Variants in DIP2B observed in about 807,000 individuals in gnomAD.
The protein encoded by DIP2B is disco-interacting protein 2 homolog B.
A neutral mutation model predicts 198.0 loss-of-function variants in DIP2B; 76 were observed. That is an observed-to-expected ratio of 0.38 (90% CI 0.32 to 0.46). DIP2B has a LOEUF of 0.46. Among genes scored for constraint, DIP2B ranks in the 20% least tolerant of loss-of-function variants. The probability of loss-of-function intolerance (pLI) is 0.99; values close to 1 mark genes in which losing one functional copy is unlikely to be tolerated. For missense variants in DIP2B, 1,559 were observed against 1,978.4 expected (o/e 0.79, Z 4.02); for synonymous variants, 701 against 739.1 (o/e 0.95, Z 0.84).
rs1473125671 is a variant in DIP2B at position 50,542,261 on chromosome 12, A to AAT, written c.100+37022_100+37023insTA. Among the ~76,000 whole-genome samples the AAT allele has an allele frequency of 6.2e-3, 942 of 151,452 alleles. 10 individuals carry two copies. Among genetic ancestry groups the AAT allele is most frequent in the African/African-American group, 0.021 (865 of 41,162 alleles). On this transcript the variant is annotated intron_variant, in intron 1 of 37. Transcript: ENST00000301180. ...GAGACTCCGTCTCAAAAAAAAAAAA[A>AAT]AAAAGAAAAAAAAGAAAAAAGAAAA...
Position 50,744,864 on chromosome 12 carries a change from GC to G in DIP2B, c.*27del, listed in dbSNP as rs1181861062. On this transcript the variant is annotated 3_prime_UTR_variant, in exon 38 of 38. Coordinates refer to ENST00000301180, the MANE Select transcript of DIP2B (RefSeq NM_173602.3). ...ACCAGCCTTGTGGGGACTGCAGTGG[GC>G]CATTCTGAAGAATCACAAAGACAGA... is the stretch of plus-strand genomic sequence containing the variant. The G allele has an allele frequency of 6.2e-7, 1 of 1,609,718 alleles. No individual in the cohort carries two copies. Among genetic ancestry groups the G allele is most frequent in the Non-Finnish European group, 8.5e-7 (1 of 1,176,628 alleles).
chr12:50,513,622 C>A (rs1277385284), intron 1 of DIP2B, among the ~76,000 whole-genome samples: 1 of 152,114 alleles, frequency 6.6e-6, no homozygotes, highest in African/African-American at 2.4e-5. Context: ...GCCTGCAATC[C>A]CAATACTTTG....
chr12:50,655,606 G>A lies in DIP2B; in HGVS notation c.302-4588G>A, dbSNP rs1938541089. On this transcript the variant is annotated intron_variant, in intron 3 of 37. Coordinates refer to ENST00000301180, the MANE Select transcript of DIP2B (RefSeq NM_173602.3). ...TTTGACCATGATACTTTAACTATATGTCCTCAGTCTAAAGACCAAAAGGAC... is the reference window on the plus strand; with the variant it reads ...TTTGACCATGATACTTTAACTATATATCCTCAGTCTAAAGACCAAAAGGAC... Among the ~76,000 whole-genome samples, 8 of 152,336 alleles carry A rather than the reference G, an allele frequency of 5.3e-5. No individual in the cohort carries two copies. The South Asian group carries it at 1.7e-3, about 32-fold the overall frequency.
At chr12:50,657,927 T>A (rs145496562) in intron 3 of DIP2B, among the ~76,000 whole-genome samples, 187 of 151,994 alleles carry the variant, frequency 1.2e-3, no homozygotes, top group African/African-American at 4.4e-3. Flanking sequence ...CAATAGACTA[T>A]GTTGGAATAT....
chr12:50,536,569 G>GT (rs1376064340), intron 1 of DIP2B, among the ~76,000 whole-genome samples: 35 of 98,462 alleles, frequency 3.6e-4, no homozygotes, highest in Non-Finnish European at 6.3e-4. Context: ...TAATAATTGT[G>GT]TTTTGTTTTT....
At position 50,691,170 on chromosome 12, in the gene DIP2B, A is replaced by G; in HGVS notation, c.1654+19A>G. 1 of 1,606,428 alleles carries G rather than the reference A, an allele frequency of 6.2e-7. No individual in the cohort carries two copies. Among genetic ancestry groups the G allele is most frequent in the Non-Finnish European group, 8.5e-7 (1 of 1,173,378 alleles). On this transcript the variant is annotated intron_variant, in intron 13 of 37. Transcript: ENST00000301180. Reference sequence around the variant, plus strand: ...TCTGAAGGTCAGACCTCATCCCATGACTGCCCTCATTGTTACCTTCAGAGA... The same window carrying G: ...TCTGAAGGTCAGACCTCATCCCATGGCTGCCCTCATTGTTACCTTCAGAGA...
intron 1 of DIP2B, among the ~76,000 whole-genome samples, chr12:50,517,840 C>G (rs892898852): frequency 6.6e-6 from 1 of 151,956 alleles, no homozygotes; most frequent in African/African-American, 2.4e-5. Flanking sequence ...TTTTTTTGCC[C>G]GGTTAACTTC....
At chr12:50,692,516 C>T (rs1323461072) in intron 13 of DIP2B, among the ~76,000 whole-genome samples, 5 of 152,036 alleles carry the variant, frequency 3.3e-5, no homozygotes, top group African/African-American at 7.2e-5. Flanking sequence ...CTCAAAAACC[C>T]GTGAGAACTT....
intron 1 of DIP2B, among the ~76,000 whole-genome samples, chr12:50,577,328 G>C (rs554188112): frequency 6.6e-6 from 1 of 151,834 alleles, no homozygotes. Context: ...TCAGGAGATC[G>C]AGACCATCCG....
intron 16 of DIP2B, among the ~76,000 whole-genome samples, chr12:50,696,602 T>G (rs1939316207): frequency 1.3e-5 from 2 of 152,244 alleles, no homozygotes; most frequent in South Asian, 4.1e-4. Context: ...CTACACTGTT[T>G]GTCATAAATG....
chr12:50,714,776 C>CA (rs145698488), intron 23 of DIP2B, among the ~76,000 whole-genome samples, 180 bp downstream of exon 23: 2,585 of 150,862 alleles, frequency 0.017, 82 homozygotes, highest in East Asian at 0.14. Context: ...CCTGTCTCTA[C>CA]AAAAAAAAAT....
At chr12:50,640,895 A>T (rs1938244939) in intron 3 of DIP2B, 43 bp downstream of exon 3, 1 of 1,599,392 alleles carries the variant, frequency 6.3e-7, no homozygotes, top group East Asian at 2.2e-5. Context: ...CGTTTTCCTA[A>T]CAGTAGTATG....
chr12:50,726,092 G>C (rs1360368685), intron 28 of DIP2B, among the ~76,000 whole-genome samples: 1 of 152,174 alleles, frequency 6.6e-6, no homozygotes, highest in Non-Finnish European at 1.5e-5. Flanking sequence ...GGTCATAGGA[G>C]TGACCCTTCC....
chr12:50,548,552 G>A (rs905092609), intron 1 of DIP2B, among the ~76,000 whole-genome samples: 2 of 151,966 alleles, frequency 1.3e-5, no homozygotes, highest in Non-Finnish European at 2.9e-5. Flanking sequence ...TTGAGACTGA[G>A]TCTTGCTCTG....
At chr12:50,652,086 G>A (rs779844423) in intron 3 of DIP2B, among the ~76,000 whole-genome samples, 2 of 151,592 alleles carry the variant, frequency 1.3e-5, no homozygotes, top group East Asian at 2.0e-4. Flanking sequence ...AGGCTGAGGC[G>A]GACGATCACG....
In DIP2B at chr12:50,729,741, T is replaced by C. The variant is rs535755499; in HGVS notation, c.3641+1063T>C. Among the ~76,000 whole-genome samples, 47 of 151,928 alleles carry C rather than the reference T, an allele frequency of 3.1e-4. No individual in the cohort carries two copies. In the Middle Eastern group the frequency reaches 0.01, roughly 33 times the overall value. On this transcript the variant is annotated intron_variant, in intron 30 of 37. Coordinates refer to ENST00000301180, the MANE Select transcript of DIP2B (RefSeq NM_173602.3). The stretch of plus-strand genomic sequence containing the variant: ...TTTTTCTTTTTTTTCTTTTTCTTTT[T>C]TTTTTTTAATCAGTGTCTTGCTCTG...
At chr12:50,732,262 C>A in intron 31 of DIP2B, 104 bp from the exon 32 acceptor site, 2 of 1,308,184 alleles carry the variant, frequency 1.5e-6, no homozygotes, top group Non-Finnish European at 2.1e-6. Flanking sequence ...TGAGAATACA[C>A]AATTGCTTGG....
intron 1 of DIP2B, among the ~76,000 whole-genome samples, chr12:50,527,269 C>G (rs1026857644): frequency 6.6e-6 from 1 of 152,158 alleles, no homozygotes; most frequent in African/African-American, 2.4e-5. Flanking sequence ...CTACCAAGGA[C>G]GTTCATGGGC....
chr12:50,622,387 G>A (rs1937830987), intron 1 of DIP2B, among the ~76,000 whole-genome samples: 1 of 152,156 alleles, frequency 6.6e-6, no homozygotes, highest in South Asian at 2.1e-4. Flanking sequence ...AATTTGTATA[G>A]TGTAGTAAGT....
Sources: allele counts gnomAD v4.1 joint callset (sites outside exome capture counted in the v4.1 genomes callset), GRCh38; gene constraint gnomAD v4.1.1; transcripts MANE v1.5; gene names NCBI Gene and HGNC (gene_info 2026-07-23, HGNC 2026-07-21).